The following LRMDA variants were observed in gnomAD, a reference collection of about 807,000 sequenced individuals.
The protein encoded by LRMDA is leucine rich melanocyte differentiation associated, also known as leucine-rich melanocyte differentiation-associated protein.
Under a neutral mutation model 29.8 loss-of-function variants are expected in LRMDA, and 18 were observed. The observed-to-expected ratio is 0.60, with a 90% CI of 0.42 to 0.90. The LOEUF (loss-of-function observed/expected upper bound fraction) is 0.90. Ranked by LOEUF, LRMDA falls within the 40% of genes least tolerant of loss-of-function variation. The probability of loss-of-function intolerance (pLI) is 0.00; values close to 1 mark genes in which losing one functional copy is unlikely to be tolerated. For synonymous variants in LRMDA, 125 were observed against 109.4 expected (o/e 1.14, Z -0.89); for missense variants, 273 against 273.9 (o/e 1.00, Z 0.02).
chr10:76,495,048 T>C (rs1010035926), intron 6 of LRMDA, among the ~76,000 whole-genome samples: 7 of 151,922 alleles, frequency 4.6e-5, no homozygotes, highest in African/African-American at 1.7e-4. Flanking sequence ...TGATGAATTG[T>C]ATTTTTTGCT....
intron 5 of LRMDA, among the ~76,000 whole-genome samples, chr10:76,222,734 A>G (rs1269423838): frequency 6.6e-6 from 1 of 152,220 alleles, no homozygotes; most frequent in East Asian, 1.9e-4. Context: ...TAGAACTAGA[A>G]ATACCATTTG....
chr10:76,237,900 G>A (rs1355532893), intron 5 of LRMDA, among the ~76,000 whole-genome samples: 1 of 145,446 alleles, frequency 6.9e-6, no homozygotes, highest in East Asian at 2.1e-4. Context: ...AAGCAATTCT[G>A]CTGCCTCAGC....
intron 6 of LRMDA, among the ~76,000 whole-genome samples, chr10:76,416,888 T>C (rs1842020803): frequency 6.6e-6 from 1 of 152,204 alleles, no homozygotes; most frequent in South Asian, 2.1e-4. Context: ...GTGTCTGCAC[T>C]GCCCATTCTT....
At chr10:75,845,858 A>C (rs562501234) in intron 2 of LRMDA, among the ~76,000 whole-genome samples, 1 of 152,304 alleles carries the variant, frequency 6.6e-6, no homozygotes, top group East Asian at 1.9e-4. Flanking sequence ...GAGAGAGAAG[A>C]AGCTGGAAGT....
At chr10:75,445,450 A>T (rs1174769584) in intron 2 of LRMDA, among the ~76,000 whole-genome samples, 2 of 152,198 alleles carry the variant, frequency 1.3e-5, no homozygotes, top group African/African-American at 4.8e-5. Context: ...CCCTCTGGAG[A>T]GGTGATACCA....
At chr10:75,515,325 A>G (rs1845277536) in intron 2 of LRMDA, among the ~76,000 whole-genome samples, 1 of 152,196 alleles carries the variant, frequency 6.6e-6, no homozygotes, top group Non-Finnish European at 1.5e-5. Flanking sequence ...CAACATTGTG[A>G]ATGTGCAAAT....
chr10:76,186,238 C>T (rs1302761707), intron 5 of LRMDA, among the ~76,000 whole-genome samples: 1 of 152,160 alleles, frequency 6.6e-6, no homozygotes, highest in Non-Finnish European at 1.5e-5. Context: ...GCCTGGAAGG[C>T]AGAAATTCTC....
intron 5 of LRMDA, among the ~76,000 whole-genome samples, chr10:76,239,637 A>C (rs1852232541): frequency 6.6e-6 from 1 of 151,496 alleles, no homozygotes. Flanking sequence ...TGAGGAATTG[A>C]ATGAGTTATC....
At chr10:76,237,784 G>A (rs1589388357) in intron 5 of LRMDA, among the ~76,000 whole-genome samples, 1 of 82,984 alleles carries the variant, frequency 1.2e-5, no homozygotes, top group Non-Finnish European at 2.3e-5. Context: ...GGACAAGAGT[G>A]CTTTTTTTTT....
chr10:76,527,717 T>A (rs1344258131), intron 6 of LRMDA, among the ~76,000 whole-genome samples: 1 of 152,182 alleles, frequency 6.6e-6, no homozygotes, highest in Non-Finnish European at 1.5e-5. Context: ...GTGTTAGCTA[T>A]AATTATTATA....
At chr10:76,534,574 A>G (rs1005015467) in intron 6 of LRMDA, among the ~76,000 whole-genome samples, 1 of 152,202 alleles carries the variant, frequency 6.6e-6, no homozygotes, top group Non-Finnish European at 1.5e-5. Context: ...GGCCACTGAA[A>G]TTTTGGGACT....
chr10:76,090,009 C>T (rs142564479), intron 5 of LRMDA, among the ~76,000 whole-genome samples: 3 of 152,212 alleles, frequency 2.0e-5, no homozygotes, highest in African/African-American at 4.8e-5. Flanking sequence ...GACAAAGAAG[C>T]GATTGACACA....
At chr10:76,220,486 A>G (rs553896116) in intron 5 of LRMDA, among the ~76,000 whole-genome samples, 10 of 152,346 alleles carry the variant, frequency 6.6e-5, no homozygotes, top group African/African-American at 2.4e-4. Context: ...AGAATACTAC[A>G]AACACCTCTA....
At chr10:76,198,837 T>G (rs1851377369) in intron 5 of LRMDA, among the ~76,000 whole-genome samples, 1 of 152,242 alleles carries the variant, frequency 6.6e-6, no homozygotes. Context: ...TTTTCCCCAC[T>G]CTGTGCAGAT....
At chr10:75,859,626 C>A (rs994504922) in intron 2 of LRMDA, among the ~76,000 whole-genome samples, 6 of 149,660 alleles carry the variant, frequency 4.0e-5, no homozygotes, top group Non-Finnish European at 5.9e-5. Flanking sequence ...CACACACACA[C>A]ACACACACAC....
chr10:75,988,706 G>C (rs1219893881), intron 2 of LRMDA, among the ~76,000 whole-genome samples: 1 of 152,132 alleles, frequency 6.6e-6, no homozygotes, highest in Non-Finnish European at 1.5e-5. Flanking sequence ...TTACTCCTCT[G>C]CTAAGAAATC....
Position 75,594,782 on chromosome 10 carries a change from G to T in LRMDA, c.131+156288G>T, listed in dbSNP as rs532025008. Among the ~76,000 whole-genome samples, 5 of 152,296 alleles carry T rather than the reference G, an allele frequency of 3.3e-5. No homozygotes were observed. In the South Asian group the frequency reaches 1.0e-3, roughly 32 times the overall value. On this transcript the variant is annotated intron_variant, in intron 2 of 6. Transcript: ENST00000611255. ...TAACAAAAATATTATTCATCATTTT[G>T]TTAGGCCAAACACATGCTGTTGAAT...
chr10:75,513,587 T>A (rs1403336420), intron 2 of LRMDA, among the ~76,000 whole-genome samples: 2 of 152,212 alleles, frequency 1.3e-5, no homozygotes, highest in African/African-American at 4.8e-5. Flanking sequence ...TGGGTTTCAC[T>A]GGGTTAAAAT....
At chr10:75,631,528 T>C (rs1270286839) in intron 2 of LRMDA, among the ~76,000 whole-genome samples, 1 of 151,968 alleles carries the variant, frequency 6.6e-6, no homozygotes, top group Non-Finnish European at 1.5e-5. Flanking sequence ...GGGGGGGAAA[T>C]ACCCTCACGT....
Sources: gnomAD v4.1 joint callset for allele counts (sites outside exome capture counted in the v4.1 genomes callset) on GRCh38, gnomAD v4.1.1 for gene constraint, MANE v1.5 for transcripts, NCBI Gene and HGNC (gene_info 2026-07-23, HGNC 2026-07-21) for gene names.